Variants in EPHA7 observed in about 807,000 individuals in gnomAD.
EPHA7 encodes ephrin type-A receptor 7.
A neutral mutation model predicts 112.6 loss-of-function variants in EPHA7; 25 were observed. The ratio of observed to expected loss-of-function variants is 0.22; its 90% confidence interval spans 0.16 to 0.31. EPHA7 has a LOEUF of 0.31. Among genes scored for constraint, EPHA7 ranks in the 10% least tolerant of loss-of-function variants. The pLI is 1.00. For missense variants in EPHA7, 962 were observed against 1,212.6 expected (o/e 0.79, Z 3.07); for synonymous variants, 437 against 406.5 (o/e 1.07, Z -0.90).
chr6:93,380,078 C>G (rs1182013639), intron 3 of EPHA7, among the ~76,000 whole-genome samples: 1 of 152,018 alleles, frequency 6.6e-6, no homozygotes, highest in Non-Finnish European at 1.5e-5. Context: ...AGTGACAAAA[C>G]AGATTTCATT....
At chr6:93,416,671 A>G (rs1226090060) in intron 1 of EPHA7, among the ~76,000 whole-genome samples, 1 of 152,234 alleles carries the variant, frequency 6.6e-6, no homozygotes, top group Admixed American at 6.5e-5. Flanking sequence ...CGCTCGGAGC[A>G]GAGTGCCGAC....
Position 93,414,780 on chromosome 6 carries a change from G to A in EPHA7, c.98-13C>T, listed in dbSNP as rs746624612. 1.9e-6 allele frequency: 3 copies of A among 1,609,764 alleles called. No homozygotes were observed. Among genetic ancestry groups the A allele is most frequent in the Middle Eastern group, 1.7e-4 (1 of 6,050 alleles). ...TCCAGCAGTAGTACTGAAAAAGAAAGTTGTATTTCCATATGTTACATGAAA... is the reference window on the plus strand; with the variant it reads ...TCCAGCAGTAGTACTGAAAAAGAAAATTGTATTTCCATATGTTACATGAAA... On this transcript the variant is annotated splice_polypyrimidine_tract_variant and intron_variant, in intron 1 of 16. Coordinates refer to ENST00000369303, the MANE Select transcript of EPHA7 (RefSeq NM_004440.4).
chr6:93,394,254 A>G (rs918501613), intron 3 of EPHA7, among the ~76,000 whole-genome samples: 3 of 151,816 alleles, frequency 2.0e-5, no homozygotes, highest in Non-Finnish European at 2.9e-5. Flanking sequence ...CAGATATTGC[A>G]TATCTTTTAT....
chr6:93,361,247 A>G (rs1233492824), intron 3 of EPHA7, among the ~76,000 whole-genome samples: 1 of 152,112 alleles, frequency 6.6e-6, no homozygotes, highest in Admixed American at 6.6e-5. Flanking sequence ...GTTAATATTG[A>G]AAATAATAAG....
intron 3 of EPHA7, among the ~76,000 whole-genome samples, chr6:93,384,321 T>G (rs886394409): frequency 2.0e-5 from 3 of 152,154 alleles, no homozygotes; most frequent in Non-Finnish European, 4.4e-5. Flanking sequence ...AAAGAAGTTG[T>G]TGCCTTCAGC....
chr6:93,281,476 C>T (rs1771734490), intron 5 of EPHA7, among the ~76,000 whole-genome samples: 1 of 152,208 alleles, frequency 6.6e-6, no homozygotes, highest in South Asian at 2.1e-4. Flanking sequence ...GCTTTAATGA[C>T]AAAATAATCA....
In EPHA7 at chr6:93,245,452, G is replaced by A. The variant is rs947671764; in HGVS notation, c.2728C>T (p.Pro910Ser). 1 of 1,605,802 alleles carries A rather than the reference G, an allele frequency of 6.2e-7. No individual in the cohort carries two copies. The highest frequency in any genetic ancestry group is 8.5e-7 in the Non-Finnish European group (1 of 1,177,762). ...TTTTGATCCAGAAGAGGGCTTATTG[G>A]CCTAGATAAAAATGAAACAGAAAAG... The part of the protein sequence containing the change: ...LKTPLGTCSR[P>S]ISPLLDQNTP... The change falls in exon 16 of 17, where the codon CCA (proline) becomes TCA (serine). Residue 910 changes from proline (P) to serine (S), a missense_variant and splice_region_variant. Around this residue, in one of 3 missense-constraint regions of EPHA7, gnomAD observed 746 missense variants for 889.2 expected, o/e 0.84. Coordinates refer to ENST00000369303, the MANE Select transcript of EPHA7 (RefSeq NM_004440.4).
chr6:93,365,729 G>A (rs9354011), intron 3 of EPHA7, among the ~76,000 whole-genome samples: 10,957 of 152,064 alleles, frequency 0.072, 561 homozygotes, highest in South Asian at 0.095. Context: ...CTATCACCCT[G>A]GAACTAACAT....
At chr6:93,401,706 T>C (rs1778446542) in intron 3 of EPHA7, among the ~76,000 whole-genome samples, 1 of 152,010 alleles carries the variant, frequency 6.6e-6, no homozygotes, top group Non-Finnish European at 1.5e-5. Context: ...TTGTGAGATA[T>C]TTTGCAGGGG....
chr6:93,416,862 C>G (rs1222789892), intron 1 of EPHA7, among the ~76,000 whole-genome samples: 3 of 151,982 alleles, frequency 2.0e-5, no homozygotes, highest in Non-Finnish European at 2.9e-5. Context: ...GGCTGGCGTC[C>G]CGGGGCTGGG....
At chr6:93,270,076 C>T (rs544350129) in intron 6 of EPHA7, among the ~76,000 whole-genome samples, 5 of 151,562 alleles carry the variant, frequency 3.3e-5, no homozygotes, top group Non-Finnish European at 5.9e-5. Flanking sequence ...AAGCCAGATG[C>T]TAAAAATCCA....
chr6:93,342,344 A>G (rs1216013266), intron 5 of EPHA7, among the ~76,000 whole-genome samples: 2 of 151,868 alleles, frequency 1.3e-5, no homozygotes. Context: ...AGAAGCCAAT[A>G]GAAAAACCAT....
At chr6:93,354,828 T>G (rs1300819810) in intron 5 of EPHA7, among the ~76,000 whole-genome samples, 5 of 152,016 alleles carry the variant, frequency 3.3e-5, no homozygotes, top group African/African-American at 1.2e-4. Flanking sequence ...TGAAAAGACA[T>G]CCCCAAAGTG....
chr6:93,252,248 G>A (rs936495309), intron 14 of EPHA7, among the ~76,000 whole-genome samples: 1 of 151,890 alleles, frequency 6.6e-6, no homozygotes, highest in African/African-American at 2.4e-5. Flanking sequence ...TTGTTTTCTT[G>A]TGTCTTGTAA....
chr6:93,285,881 C>A (rs1017884385), intron 5 of EPHA7, among the ~76,000 whole-genome samples: 74 of 152,206 alleles, frequency 4.9e-4, no homozygotes, highest in African/African-American at 1.5e-3. Context: ...GGCCCATGGG[C>A]CATATCTGGC....
chr6:93,245,199 G>T, intron 16 of EPHA7, 99 bp downstream of exon 16: 1 of 1,125,924 alleles, frequency 8.9e-7, no homozygotes. Context: ...CTTGATTTTG[G>T]GATTCAAATT....
chr6:93,305,879 T>TA (rs1773231474), intron 5 of EPHA7, among the ~76,000 whole-genome samples: 1 of 151,968 alleles, frequency 6.6e-6, no homozygotes, highest in African/African-American at 2.4e-5. Context: ...AATAGTATTT[T>TA]ATATAGTCAC....
At chr6:93,407,940 C>T (rs940793153) in intron 3 of EPHA7, among the ~76,000 whole-genome samples, 1 of 151,838 alleles carries the variant, frequency 6.6e-6, no homozygotes, top group African/African-American at 2.4e-5. Context: ...GCTTTTCTTA[C>T]TAAATTCTAT....
At chr6:93,411,749 C>T (rs892187280) in intron 2 of EPHA7, among the ~76,000 whole-genome samples, 1 of 151,906 alleles carries the variant, frequency 6.6e-6, no homozygotes, top group Non-Finnish European at 1.5e-5. Flanking sequence ...TTTATTTATT[C>T]CAGTGTTATA....
Sources: gnomAD v4.1 joint callset for allele counts (sites outside exome capture counted in the v4.1 genomes callset) on GRCh38, gnomAD v4.1.1 for gene constraint, gnomAD v4.1.1 regional missense constraint, MANE v1.5 for transcripts, NCBI Gene and HGNC (gene_info 2026-07-23, HGNC 2026-07-21) for gene names.